ADAM32: variants seen among roughly 807,000 people sequenced by gnomAD.
The protein encoded by ADAM32 is disintegrin and metalloproteinase domain-containing protein 32.
ADAM32 carries 89 observed loss-of-function variants against 114.9 expected under a neutral mutation model. That is an observed-to-expected ratio of 0.77 (90% confidence interval 0.65 to 0.92). The LOEUF (loss-of-function observed/expected upper bound fraction) is 0.92. Ranked by LOEUF, ADAM32 falls within the 40% of genes least tolerant of loss-of-function variation. ADAM32 has a pLI of 0.00. For synonymous variants in ADAM32, 285 were observed against 307.5 expected, an observed-to-expected ratio of 0.93 and a Z score of 0.77; for missense variants, 870 against 932.8, an observed-to-expected ratio of 0.93 and a Z score of 0.88.
chr8:39,171,091 A>C (rs1303678968), intron 10 of ADAM32, among the ~76,000 whole-genome samples: 3 of 152,100 alleles, frequency 2.0e-5, no homozygotes, highest in Non-Finnish European at 4.4e-5. Context: ...GACCCACAAC[A>C]ACCAGCTAAC....
chr8:39,202,842 T>C (rs1235874752), intron 11 of ADAM32, among the ~76,000 whole-genome samples: 3 of 152,162 alleles, frequency 2.0e-5, no homozygotes, highest in Non-Finnish European at 2.9e-5. Flanking sequence ...TCTTTGTTTT[T>C]GTTGGTTTCA....
At chr8:39,200,822 A>G (rs1231219249) in intron 11 of ADAM32, among the ~76,000 whole-genome samples, 1 of 152,212 alleles carries the variant, frequency 6.6e-6, no homozygotes, top group African/African-American at 2.4e-5. Context: ...GAAGGGATCC[A>G]GTTTCAGCTT....
At chr8:39,281,273 A>G (rs1290773031) in intron 23 of ADAM32, 99 bp downstream of exon 23, 2 of 592,322 alleles carry the variant, frequency 3.4e-6, no homozygotes, top group South Asian at 4.5e-5. Flanking sequence ...TTTTTTGAGC[A>G]GCCACAATCG....
At chr8:39,151,187 A>G (rs1803803514) in intron 5 of ADAM32, among the ~76,000 whole-genome samples, 190 bp from the exon 6 acceptor site, 1 of 152,214 alleles carries the variant, frequency 6.6e-6, no homozygotes, top group Admixed American at 6.5e-5. Context: ...ACAACTATAC[A>G]AAAACGAAAT....
chr8:39,270,457 C>T (rs1013768875), intron 19 of ADAM32, among the ~76,000 whole-genome samples: 7 of 152,114 alleles, frequency 4.6e-5, no homozygotes, highest in East Asian at 1.9e-4. Context: ...TCTCTGCATC[C>T]GAAGGCCTGA....
chr8:39,158,313 TA>T, intron 6 of ADAM32: 1 of 174,794 alleles, frequency 5.7e-6, no homozygotes, highest in Non-Finnish European at 1.2e-5. Context: ...CAGTACTTGG[TA>T]AAAGCCTTCT....
rs73608615 is a variant in ADAM32 at position 39,249,904 on chromosome 8, T to C, written c.1902+3738T>C. Among the ~76,000 whole-genome samples the C allele has an allele frequency of 5.5e-3, 836 of 152,254 alleles. 3 individuals are homozygous for C. The highest frequency in any genetic ancestry group is 0.019 in the African/African-American group (779 of 41,574). On this transcript the variant is annotated intron_variant, in intron 17 of 24. Transcript: ENST00000379907. ...AAGGATTAAATATTTCACTCCTCAC[T>C]CTTTTTGCTTGCATGGTTGCTGAAG... is the stretch of plus-strand genomic sequence containing the variant.
intron 15 of ADAM32, among the ~76,000 whole-genome samples, chr8:39,233,659 A>G (rs963429393): frequency 6.6e-6 from 1 of 152,134 alleles, no homozygotes. Flanking sequence ...CCTAGCCTCT[A>G]TTCAAGATAG....
intron 22 of ADAM32, among the ~76,000 whole-genome samples, chr8:39,277,793 A>G (rs867152380): frequency 6.6e-6 from 1 of 152,238 alleles, no homozygotes; most frequent in Admixed American, 6.5e-5. Context: ...CTGCAGCGGT[A>G]TCCAGGCAGG....
intron 7 of ADAM32, 55 bp downstream of exon 7, chr8:39,161,020 T>C: frequency 7.0e-7 from 1 of 1,421,082 alleles, no homozygotes; most frequent in African/African-American, 1.4e-5. Context: ...TGTATGATTA[T>C]GCCTAGCTAG....
At chr8:39,258,049 G>A (rs1216862045) in intron 19 of ADAM32, among the ~76,000 whole-genome samples, 1 of 151,530 alleles carries the variant, frequency 6.6e-6, no homozygotes, top group Non-Finnish European at 1.5e-5. Flanking sequence ...AACCTACCTA[G>A]TATTGTTTTA....
intron 21 of ADAM32, among the ~76,000 whole-genome samples, chr8:39,275,343 T>G (rs916005174): frequency 2.0e-5 from 3 of 152,220 alleles, no homozygotes; most frequent in African/African-American, 7.2e-5. Flanking sequence ...AGAAATGGCC[T>G]TTTCTTTCAT....
intron 11 of ADAM32, among the ~76,000 whole-genome samples, chr8:39,188,209 T>C (rs1320766695): frequency 6.6e-6 from 1 of 152,180 alleles, no homozygotes; most frequent in Non-Finnish European, 1.5e-5. Context: ...ATTTTATATG[T>C]GTATACACAT....
chr8:39,178,235 C>G (rs1385383242), intron 10 of ADAM32, among the ~76,000 whole-genome samples: 2 of 151,964 alleles, frequency 1.3e-5, no homozygotes, highest in Non-Finnish European at 2.9e-5. Flanking sequence ...TTTCTCTGTT[C>G]TTGCCTGAAT....
At chr8:39,282,771 T>C (rs1276631547) in intron 23 of ADAM32, among the ~76,000 whole-genome samples, 4 of 152,198 alleles carry the variant, frequency 2.6e-5, no homozygotes, top group African/African-American at 9.7e-5. Context: ...CAATATATTT[T>C]TTTAAGCCAG....
chr8:39,126,758 G>A (rs1193659546), intron 2 of ADAM32, among the ~76,000 whole-genome samples: 2 of 152,170 alleles, frequency 1.3e-5, no homozygotes, highest in Non-Finnish European at 2.9e-5. Flanking sequence ...GTTTGCAAGG[G>A]AAAAGCTTCC....
At chr8:39,161,796 G>A (rs866708664) in intron 7 of ADAM32, among the ~76,000 whole-genome samples, 8 of 151,858 alleles carry the variant, frequency 5.3e-5, no homozygotes, top group Non-Finnish European at 7.4e-5. Flanking sequence ...TAGAGTACAG[G>A]GAAAAGGGAA....
At chr8:39,110,403 A>G (rs890101402) in intron 1 of ADAM32, among the ~76,000 whole-genome samples, 4 of 152,102 alleles carry the variant, frequency 2.6e-5, no homozygotes, top group Non-Finnish European at 5.9e-5. Flanking sequence ...ATAATATTCA[A>G]TTGTCTGGAT....
At chr8:39,283,323 C>T (rs1813550876) in intron 23 of ADAM32, among the ~76,000 whole-genome samples, 1 of 145,556 alleles carries the variant, frequency 6.9e-6, no homozygotes, top group African/African-American at 2.5e-5. Context: ...GGCAGGAGGA[C>T]ATTTGAGCCC....
Sources: allele counts gnomAD v4.1 joint callset (sites outside exome capture counted in the v4.1 genomes callset), GRCh38; gene constraint gnomAD v4.1.1; transcripts MANE v1.5; gene names NCBI Gene and HGNC (gene_info 2026-07-23, HGNC 2026-07-21).